Variants in CIMIP6 observed in about 807,000 individuals in gnomAD.
CIMIP6 encodes uncharacterized protein C2orf73.
At chr2:54,366,444 C>T in the CIMIP6 span, among the ~76,000 whole-genome samples, 1 of 152,270 alleles carries the variant, frequency 6.6e-6, no homozygotes. Flanking sequence ...TTTCTTTAAT[C>T]GCTTGTAGCA....
the CIMIP6 span, among the ~76,000 whole-genome samples, chr2:54,345,002 A>C: frequency 6.6e-6 from 1 of 152,196 alleles, no homozygotes; most frequent in Non-Finnish European, 1.5e-5. Flanking sequence ...ATATTAACTC[A>C]TTTAATTCCC....
chr2:54,354,091 C>A, the CIMIP6 span, among the ~76,000 whole-genome samples: 1 of 152,032 alleles, frequency 6.6e-6, no homozygotes, highest in Non-Finnish European at 1.5e-5. Context: ...TTCTGAAAAC[C>A]ATTTATAAAA....
At chr2:54,349,832 C>T in the CIMIP6 span, among the ~76,000 whole-genome samples, 3 of 151,438 alleles carry the variant, frequency 2.0e-5, no homozygotes, top group East Asian at 1.9e-4. Flanking sequence ...CCTTTATTTC[C>T]GTGATGAAAA....
the CIMIP6 span, among the ~76,000 whole-genome samples, chr2:54,368,992 G>A: frequency 6.6e-6 from 1 of 152,088 alleles, no homozygotes; most frequent in African/African-American, 2.4e-5. Context: ...GAGTTCTGGG[G>A]TCCTTCTAGC....
chr2:54,370,243 A>G, the CIMIP6 span, among the ~76,000 whole-genome samples: 1 of 152,156 alleles, frequency 6.6e-6, no homozygotes, highest in African/African-American at 2.4e-5. Context: ...CAGCAGAGTA[A>G]GACTCTGTCT....
At chr2:54,366,463 TC>T in the CIMIP6 span, among the ~76,000 whole-genome samples, 1 of 152,216 alleles carries the variant, frequency 6.6e-6, no homozygotes, top group African/African-American at 2.4e-5. Context: ...CAAATTCTAC[TC>T]CTAACTTATA....
At chr2:54,365,036 A>C in the CIMIP6 span, among the ~76,000 whole-genome samples, 1 of 152,200 alleles carries the variant, frequency 6.6e-6, no homozygotes, top group Non-Finnish European at 1.5e-5. Flanking sequence ...CCTGAGCTGG[A>C]ATGGGAATGG....
the CIMIP6 span, chr2:54,343,720 G>C: frequency 2.5e-5 from 39 of 1,582,638 alleles, 1 homozygote; most frequent in East Asian, 8.6e-4. Context: ...TTCTATAAAG[G>C]GTGACTGGTG....
the CIMIP6 span, among the ~76,000 whole-genome samples, chr2:54,370,846 G>A: frequency 5.3e-5 from 8 of 152,186 alleles, no homozygotes; most frequent in Admixed American, 1.3e-4. Flanking sequence ...GTCTGCCCCC[G>A]TCAACTTTGG....
the CIMIP6 span, among the ~76,000 whole-genome samples, chr2:54,349,048 T>C: frequency 1.3e-5 from 2 of 152,196 alleles, no homozygotes; most frequent in South Asian, 4.1e-4. Context: ...GTGAAGGGGG[T>C]ATTTCGTACT....
chr2:54,382,244 G>A, the CIMIP6 span, among the ~76,000 whole-genome samples: 2 of 152,098 alleles, frequency 1.3e-5, no homozygotes, highest in Non-Finnish European at 2.9e-5. Context: ...TGTTATCAAT[G>A]TCCAAAGAGC....
chr2:54,368,144 T>A, the CIMIP6 span, among the ~76,000 whole-genome samples: 1 of 152,206 alleles, frequency 6.6e-6, no homozygotes, highest in South Asian at 2.1e-4. Flanking sequence ...CACATTTGGT[T>A]CTTCTGTAAA....
the CIMIP6 span, chr2:54,343,622 C>A: frequency 2.4e-6 from 2 of 834,444 alleles, no homozygotes; most frequent in Middle Eastern, 3.2e-4. Flanking sequence ...TATCCACTAA[C>A]TTGTTAAATT....
chr2:54,341,832 A>G, the CIMIP6 span, among the ~76,000 whole-genome samples: 1 of 152,208 alleles, frequency 6.6e-6, no homozygotes, highest in Non-Finnish European at 1.5e-5. Flanking sequence ...AAGCACTATT[A>G]TAATTGTGAA....
the CIMIP6 span, among the ~76,000 whole-genome samples, chr2:54,345,443 G>T: frequency 1.3e-5 from 2 of 152,158 alleles, no homozygotes; most frequent in Non-Finnish European, 2.9e-5. Flanking sequence ...GTATAGGGAG[G>T]ATATCTTTTA....
the CIMIP6 span, among the ~76,000 whole-genome samples, chr2:54,363,613 G>T: frequency 6.6e-6 from 1 of 152,072 alleles, no homozygotes; most frequent in Non-Finnish European, 1.5e-5. Flanking sequence ...TTCTAAACGT[G>T]AGTTCTTTAG....
At chr2:54,376,544 C>T in the CIMIP6 span, among the ~76,000 whole-genome samples, 27 of 152,312 alleles carry the variant, frequency 1.8e-4, no homozygotes, top group African/African-American at 6.3e-4. Context: ...ATTTCTGACC[C>T]TCATCCCAAT....
chr2:54,347,112 C>A, the CIMIP6 span, among the ~76,000 whole-genome samples: 394 of 152,078 alleles, frequency 2.6e-3, 1 homozygote, highest in Admixed American at 4.1e-3. Flanking sequence ...AAATTAAAAT[C>A]TGAATAAGAA....
the CIMIP6 span, chr2:54,343,910 C>T: frequency 1.4e-6 from 2 of 1,478,342 alleles, no homozygotes; most frequent in Non-Finnish European, 9.0e-7. Context: ...TTTATGTTAT[C>T]TCAAATTATT....
Sources: gnomAD v4.1 joint callset for allele counts (sites outside exome capture counted in the v4.1 genomes callset) on GRCh38, gnomAD v4.1.1 for gene constraint, MANE v1.5 for transcripts, NCBI Gene and HGNC (gene_info 2026-07-23, HGNC 2026-07-21) for gene names.